The following PRKN variants were observed in gnomAD, a reference collection of about 807,000 sequenced individuals.
PRKN encodes the protein parkin RBR E3 ubiquitin protein ligase, also known as E3 ubiquitin-protein ligase parkin.
Under a neutral mutation model 59.5 loss-of-function variants are expected in PRKN, and 56 were observed. The ratio of observed to expected loss-of-function variants is 0.94; its 90% CI spans 0.76 to 1.18. The LOEUF (loss-of-function observed/expected upper bound fraction) is 1.18. Among genes scored for constraint, PRKN ranks in the 50% most tolerant of loss-of-function variants. The pLI is 0.00. For missense variants in PRKN, 657 were observed against 596.4 expected, an observed-to-expected ratio of 1.10 and a Z score of -1.06; for synonymous variants, 250 against 222.1, an observed-to-expected ratio of 1.13 and a Z score of -1.12.
At chr6:161,598,455 C>T (rs971223793) in intron 7 of PRKN, among the ~76,000 whole-genome samples, 1 of 152,166 alleles carries the variant, frequency 6.6e-6, no homozygotes, top group African/African-American at 2.4e-5. Context: ...ACTTAACATA[C>T]GGGCTTGGTC....
In PRKN at chr6:162,262,579, C is replaced by A. The variant is rs2128100034; in HGVS notation, c.358G>T (p.Ala120Ser). ...CTGCTGTCAGTGTGCAGAATGACAG[C>A]CAGCCCCACAGAGTCTCCTGGGAGG... ...SVLPGDSVGL[A>S]VILHTDSRKD... The change falls in exon 3 of 12, where the codon GCT becomes TCT. Residue 120 changes from alanine to serine, a missense_variant. Coordinates refer to ENST00000366898, the MANE Select transcript of PRKN (RefSeq NM_004562.3). The A allele has an allele frequency of 6.2e-7, 1 of 1,613,136 alleles. No individual in the cohort carries two copies. The highest frequency in any genetic ancestry group is 1.1e-5 in the South Asian group (1 of 91,082).
chr6:162,696,499 T>C (rs1777971043), intron 1 of PRKN, among the ~76,000 whole-genome samples: 1 of 151,726 alleles, frequency 6.6e-6, no homozygotes, highest in South Asian at 2.1e-4. Flanking sequence ...GGAAATTAGA[T>C]ACTGGATTCG....
At chr6:162,238,009 A>T (rs1458629816) in intron 3 of PRKN, among the ~76,000 whole-genome samples, 5 of 152,150 alleles carry the variant, frequency 3.3e-5, no homozygotes, top group African/African-American at 1.2e-4. Flanking sequence ...GGAAACCTGA[A>T]TTGTAGTTGC....
At chr6:161,641,654 T>G (rs963811904) in intron 7 of PRKN, among the ~76,000 whole-genome samples, 1 of 152,212 alleles carries the variant, frequency 6.6e-6, no homozygotes, top group African/African-American at 2.4e-5. Context: ...AAATCGGCTC[T>G]GTCTAGGCAA....
chr6:162,584,876 C>T (rs1314335959), intron 1 of PRKN, among the ~76,000 whole-genome samples: 1 of 26,818 alleles, frequency 3.7e-5, no homozygotes, highest in Non-Finnish European at 7.2e-5. Context: ...CCTCCCCTCC[C>T]CTCCCCTCCC....
At chr6:161,951,930 AAGAAAG>A (rs544487172) in intron 6 of PRKN, among the ~76,000 whole-genome samples, 166 of 151,550 alleles carry the variant, frequency 1.1e-3, no homozygotes, top group African/African-American at 3.8e-3. Context: ...AAAAAAAAAA[AAGAAAG>A]GAAGAAGGAA....
chr6:162,646,986 A>C (rs1473057969), intron 1 of PRKN, among the ~76,000 whole-genome samples: 1 of 152,198 alleles, frequency 6.6e-6, no homozygotes, highest in Non-Finnish European at 1.5e-5. Context: ...AAAATGGCTC[A>C]TAAGTCCACA....
At chr6:161,735,246 C>T (rs1787915786) in intron 7 of PRKN, among the ~76,000 whole-genome samples, 1 of 152,042 alleles carries the variant, frequency 6.6e-6, no homozygotes, top group African/African-American at 2.4e-5. Context: ...TTTCTTCCAC[C>T]TCTGCCACCC....
intron 7 of PRKN, among the ~76,000 whole-genome samples, chr6:161,760,571 CA>C (rs1418205473): frequency 6.6e-6 from 1 of 151,926 alleles, no homozygotes; most frequent in African/African-American, 2.4e-5. Flanking sequence ...AGCCGTCTAG[CA>C]GGGACTCTGG....
intron 2 of PRKN, among the ~76,000 whole-genome samples, chr6:162,332,077 G>A (rs1016091373): frequency 2.0e-5 from 3 of 152,076 alleles, no homozygotes; most frequent in Non-Finnish European, 4.4e-5. Context: ...CTCTTTAAAG[G>A]TTACAAATGC....
At chr6:161,505,281 G>A (rs372815445) in intron 9 of PRKN, among the ~76,000 whole-genome samples, 11 of 151,960 alleles carry the variant, frequency 7.2e-5, no homozygotes, top group Admixed American at 5.2e-4. Context: ...GCCAGTGATG[G>A]TGAGCATTTT....
At chr6:162,698,038 G>A (rs1226530092) in intron 1 of PRKN, among the ~76,000 whole-genome samples, 1 of 152,114 alleles carries the variant, frequency 6.6e-6, no homozygotes, top group Non-Finnish European at 1.5e-5. Flanking sequence ...AGACTCCTTG[G>A]GGACTTAACA....
chr6:162,484,973 C>T (rs1203989341), intron 1 of PRKN, among the ~76,000 whole-genome samples: 1 of 152,104 alleles, frequency 6.6e-6, no homozygotes, highest in African/African-American at 2.4e-5. Context: ...TTTCTATGGC[C>T]TGTGGCATAT....
rs1410623191 is a variant in PRKN, at chr6:161,419,386, TTTC to T, written c.1084-32512_1084-32510del. ...ACAGAGGGCCTTTCCTTTTTTCTTT[TTTC>T]TTCTTCTTTTTTTTTTTAAATGGAG... On this transcript the variant is annotated intron_variant, in intron 9 of 11. Transcript: ENST00000366898. The surrounding 1 kb of genome is among the most constrained non-coding windows in gnomAD (Gnocchi z 4.1). Among the ~76,000 whole-genome samples, 2 of 98,134 alleles carry T rather than the reference TTTC, an allele frequency of 2.0e-5. No homozygotes were observed. The highest frequency in any genetic ancestry group is 4.1e-5 in the Non-Finnish European group (2 of 48,744). 64.4% of individuals were successfully genotyped at this position (98,134 alleles called of 152,430 possible).
chr6:162,588,942 A>C (rs981136077), intron 1 of PRKN, among the ~76,000 whole-genome samples: 2 of 152,110 alleles, frequency 1.3e-5, no homozygotes, highest in Non-Finnish European at 2.9e-5. Context: ...AGTAAGTTGC[A>C]GCTGTCATTA....
At chr6:161,595,292 GACA>G (rs1308661896) in intron 7 of PRKN, among the ~76,000 whole-genome samples, 4 of 152,052 alleles carry the variant, frequency 2.6e-5, no homozygotes, top group East Asian at 3.9e-4. Flanking sequence ...ACAAACCACC[GACA>G]ACAAGATACT....
chr6:161,859,128 C>T (rs1793782909), intron 6 of PRKN, among the ~76,000 whole-genome samples: 2 of 151,646 alleles, frequency 1.3e-5, no homozygotes, highest in Admixed American at 6.6e-5. Flanking sequence ...CTCGGCCTTC[C>T]AAAGTGCTGG....
chr6:161,366,904 CTTTT>C (rs980222912), intron 10 of PRKN, among the ~76,000 whole-genome samples: 26 of 148,198 alleles, frequency 1.8e-4, no homozygotes, highest in African/African-American at 4.0e-4. Context: ...TTACGAATCG[CTTTT>C]TTGTTTTTTT....
chr6:161,465,888 T>C (rs1447798119), intron 9 of PRKN, among the ~76,000 whole-genome samples: 1 of 152,246 alleles, frequency 6.6e-6, no homozygotes, highest in Non-Finnish European at 1.5e-5. Context: ...CTCTGGTCTA[T>C]GTTTATTACT....
Sources: gnomAD v4.1 joint callset for allele counts (sites outside exome capture counted in the v4.1 genomes callset) on GRCh38, gnomAD v4.1.1 for gene constraint, Gnocchi (gnomAD v3.1) non-coding constraint, MANE v1.5 for transcripts, NCBI Gene and HGNC (gene_info 2026-07-23, HGNC 2026-07-21) for gene names.